Variants in ANO2 observed in about 807,000 individuals in gnomAD.
The protein encoded by ANO2 is anoctamin 2.
A neutral mutation model predicts 124.2 loss-of-function variants in ANO2; 101 were observed. That is an observed-to-expected ratio of 0.81 (90% CI 0.69 to 0.96). ANO2 has a LOEUF of 0.96. Ranked by LOEUF, ANO2 falls within the 40% of genes least tolerant of loss-of-function variation. The pLI is 0.00. For missense variants in ANO2, 1,293 were observed against 1,274.5 expected (o/e 1.01, Z -0.22); for synonymous variants, 486 against 482.5 (o/e 1.01, Z -0.09).
intron 10 of ANO2, among the ~76,000 whole-genome samples, chr12:5,767,727 G>T (rs1299968191): frequency 6.6e-6 from 1 of 152,128 alleles, no homozygotes; most frequent in African/African-American, 2.4e-5. Flanking sequence ...TGTCCGCATG[G>T]GCCCTTCCCC....
chr12:5,877,434 TC>T (rs1297483395), intron 3 of ANO2, among the ~76,000 whole-genome samples: 3 of 152,018 alleles, frequency 2.0e-5, no homozygotes, highest in African/African-American at 7.3e-5. Flanking sequence ...GTTCTGGGAG[TC>T]TTAAGAGAGT....
chr12:5,739,253 T>C lies in ANO2; in HGVS notation c.1434+64A>G. 2.1e-6 allele frequency: 3 copies of C among 1,412,348 alleles called. No individual in the cohort carries two copies. In the South Asian group the frequency reaches 3.7e-5, roughly 17 times the overall value. The allele number at this position is 1,412,348 out of a possible 1,614,324, so 87.5% of individuals were successfully genotyped here. A position where few individuals can be genotyped will look rare whatever the true frequency, so the allele number is the denominator to read the frequency against. On this transcript the variant is annotated intron_variant, in intron 13 of 24. Coordinates refer to ENST00000682330, the MANE Select transcript of ANO2 (RefSeq NM_001364791.2). ...TGGTTATCTCACTCAAGAGAGTCCA[T>C]TTCCAGGGTCAAAACAAAGCAAAAG...
At chr12:5,869,223 G>A (rs1238992508) in intron 3 of ANO2, among the ~76,000 whole-genome samples, 5 of 152,126 alleles carry the variant, frequency 3.3e-5, no homozygotes, top group South Asian at 2.1e-4. Flanking sequence ...GCACCAGTCC[G>A]AGTAGCACCT....
intron 4 of ANO2, among the ~76,000 whole-genome samples, chr12:5,834,286 T>C (rs1044791964): frequency 2.0e-5 from 3 of 152,246 alleles, no homozygotes; most frequent in African/African-American, 4.8e-5. Context: ...CCAGACGCTC[T>C]GACTCAAAAT....
At chr12:5,793,772 A>G (rs979579615) in intron 10 of ANO2, among the ~76,000 whole-genome samples, 35 of 152,348 alleles carry the variant, frequency 2.3e-4, no homozygotes, top group Admixed American at 9.1e-4. Flanking sequence ...CAGAAGACCA[A>G]CACAGTCATT....
chr12:5,610,754 A>ATATATAT (rs1414746179), intron 19 of ANO2, among the ~76,000 whole-genome samples: 11 of 142,502 alleles, frequency 7.7e-5, no homozygotes, highest in African/African-American at 1.0e-4. Flanking sequence ...GAAAATAAAT[A>ATATATAT]ACATGGAAAA....
chr12:5,577,991 A>T lies in ANO2; in HGVS notation c.2403T>A (p.Ile801=). The T allele has an allele frequency of 6.2e-7, 1 of 1,613,822 alleles. No individual in the cohort carries two copies. Among genetic ancestry groups the T allele is most frequent in the East Asian group, 2.2e-5 (1 of 44,848 alleles). The change falls in exon 22 of 25, where the codon ATT becomes ATA. Residue 801 remains isoleucine (I), a synonymous_variant. Transcript: ENST00000682330. ...RTKDIGIWFD[I]LSGIGKFSVI... Reference sequence around the variant, plus strand: ...CAGAGAACTTGCCAATTCCAGAGAGAATGTCAAACCAGATTCCTACAAGAC... The same window carrying T: ...CAGAGAACTTGCCAATTCCAGAGAGTATGTCAAACCAGATTCCTACAAGAC...
rs1031816304 is a variant in ANO2 at position 5,930,293 on chromosome 12, A to T, written c.23-7489T>A. Among the ~76,000 whole-genome samples the T allele has an allele frequency of 4.2e-4, 64 of 152,336 alleles. 1 individual carries two copies. The highest frequency in any genetic ancestry group is 1.4e-3 in the African/African-American group (57 of 41,582). ...AAGTTAAATGGGTCTGCAATGAACGAACAGAGATGTGAAATACTGCACGTA... is the reference window on the plus strand; with the variant it reads ...AAGTTAAATGGGTCTGCAATGAACGTACAGAGATGTGAAATACTGCACGTA... On this transcript the variant is annotated intron_variant, in intron 1 of 24. Transcript: ENST00000682330.
intron 13 of ANO2, among the ~76,000 whole-genome samples, chr12:5,738,226 T>C (rs1184886140): frequency 3.3e-5 from 5 of 152,248 alleles, no homozygotes; most frequent in African/African-American, 1.2e-4. Flanking sequence ...AATGGTGACA[T>C]GCCACAGATG....
At chr12:5,759,683 T>C (rs1951683888) in intron 10 of ANO2, among the ~76,000 whole-genome samples, 1 of 150,486 alleles carries the variant, frequency 6.6e-6, no homozygotes, top group Non-Finnish European at 1.5e-5. Flanking sequence ...CCCAAAACTA[T>C]TCTCCCACTG....
intron 7 of ANO2, among the ~76,000 whole-genome samples, chr12:5,808,141 G>T (rs559207547): frequency 6.6e-6 from 1 of 152,304 alleles, no homozygotes; most frequent in African/African-American, 2.4e-5. Flanking sequence ...CCCTTTGGGT[G>T]TTCCCAATAA....
In ANO2 at chr12:5,900,825, G is replaced by A. The variant is rs1436482947; in HGVS notation, c.534+20215C>T. ...GTGATGGCTGTTTGGAAAGAGTCAA[G>A]GCCAAGAGGGCAGGAAGGCGTCTCC... is the stretch of plus-strand genomic sequence containing the variant. On this transcript the variant is annotated intron_variant, in intron 3 of 24. Coordinates refer to ENST00000682330, the MANE Select transcript of ANO2 (RefSeq NM_001364791.2). This position sits in a 1 kb window ranked among gnomAD's most constrained non-coding sequence, Gnocchi z 4.2. Among the ~76,000 whole-genome samples, 1 of 151,712 alleles carries A rather than the reference G, an allele frequency of 6.6e-6. No individual in the cohort carries two copies. The highest frequency in any genetic ancestry group is 2.4e-5 in the African/African-American group (1 of 40,980).
At chr12:5,670,325 G>A (rs1428994426) in intron 14 of ANO2, among the ~76,000 whole-genome samples, 1 of 152,116 alleles carries the variant, frequency 6.6e-6, no homozygotes, top group Admixed American at 6.6e-5. Context: ...AGATACTCTG[G>A]AGGGCACTTC....
chr12:5,623,565 G>A (rs953778945), intron 16 of ANO2, among the ~76,000 whole-genome samples: 1 of 152,078 alleles, frequency 6.6e-6, no homozygotes, highest in African/African-American at 2.4e-5. Context: ...TAGTATGAAA[G>A]CCCAGCTTCA....
At chr12:5,719,035 C>T (rs978613465) in intron 14 of ANO2, among the ~76,000 whole-genome samples, 3 of 152,140 alleles carry the variant, frequency 2.0e-5, no homozygotes, top group Admixed American at 1.3e-4. Context: ...TAGCTAGCTC[C>T]GTGTATTAAA....
At chr12:5,863,170 C>T (rs1232610145) in intron 3 of ANO2, among the ~76,000 whole-genome samples, 1 of 152,010 alleles carries the variant, frequency 6.6e-6, no homozygotes, top group Non-Finnish European at 1.5e-5. Context: ...TTTTTAGCAG[C>T]GTGAGAACAG....
chr12:5,875,621 TCA>T (rs538091714), intron 3 of ANO2, among the ~76,000 whole-genome samples: 53 of 152,300 alleles, frequency 3.5e-4, no homozygotes, highest in Non-Finnish European at 6.5e-4. Context: ...ACTAACGCAT[TCA>T]TCATGCTGCA....
chr12:5,598,963 C>A (rs1364552050), intron 20 of ANO2, among the ~76,000 whole-genome samples: 1 of 47,292 alleles, frequency 2.1e-5, no homozygotes, highest in African/African-American at 5.3e-5. Flanking sequence ...CCGAAATAGA[C>A]CCAACTTTTG....
intron 20 of ANO2, among the ~76,000 whole-genome samples, chr12:5,582,117 A>G (rs536956953): frequency 1.3e-5 from 2 of 152,246 alleles, no homozygotes; most frequent in Non-Finnish European, 2.9e-5. Flanking sequence ...AAAAGCAGCA[A>G]GCCTCCATTA....
Sources: allele counts gnomAD v4.1 joint callset (sites outside exome capture counted in the v4.1 genomes callset), GRCh38; gene constraint gnomAD v4.1.1; non-coding constraint Gnocchi (gnomAD v3.1); transcripts MANE v1.5; gene names NCBI Gene and HGNC (gene_info 2026-07-23, HGNC 2026-07-21).